Variants in ITGB8 observed in about 807,000 individuals in gnomAD.
ITGB8 encodes integrin subunit beta 8, also known as integrin beta-8.
A neutral mutation model predicts 89.5 loss-of-function variants in ITGB8; 30 were observed. The ratio of observed to expected loss-of-function variants is 0.34; its 90% CI spans 0.25 to 0.45. The LOEUF (loss-of-function observed/expected upper bound fraction) is 0.45. ITGB8 is among the 20% of genes least tolerant of loss of function. ITGB8 has a pLI of 1.00. For missense variants in ITGB8, 836 were observed against 933.3 expected, an observed-to-expected ratio of 0.90 and a Z score of 1.36; for synonymous variants, 335 against 320.4, an observed-to-expected ratio of 1.05 and a Z score of -0.49.
intron 3 of ITGB8, among the ~76,000 whole-genome samples, chr7:20,367,780 C>G (rs966574062): frequency 6.6e-6 from 1 of 152,126 alleles, no homozygotes; most frequent in African/African-American, 2.4e-5. Flanking sequence ...CACCTTTTCT[C>G]CTATACCTCT....
At chr7:20,345,014 A>G (rs905521693) in intron 1 of ITGB8, among the ~76,000 whole-genome samples, 3 of 152,324 alleles carry the variant, frequency 2.0e-5, no homozygotes, top group Non-Finnish European at 2.9e-5. Context: ...ACCAGACAGC[A>G]CTAAGTATCT....
intron 1 of ITGB8, among the ~76,000 whole-genome samples, chr7:20,333,434 A>G (rs765481950): frequency 3.3e-5 from 5 of 152,224 alleles, no homozygotes; most frequent in Non-Finnish European, 7.4e-5. Flanking sequence ...AATAAGTAAT[A>G]AAGTGCTTTT....
At chr7:20,397,134 T>G (rs914741459) in intron 8 of ITGB8, among the ~76,000 whole-genome samples, 1 of 152,188 alleles carries the variant, frequency 6.6e-6, no homozygotes, top group Non-Finnish European at 1.5e-5. Context: ...GTTGGATTTC[T>G]GAATCCCCAA....
intron 8 of ITGB8, among the ~76,000 whole-genome samples, chr7:20,397,240 T>G (rs1787121146): frequency 6.6e-6 from 1 of 152,000 alleles, no homozygotes; most frequent in Admixed American, 6.6e-5. Context: ...TTTTTTTTTT[T>G]TTTAGATGGA....
At chr7:20,349,893 G>A (rs12700182) in intron 1 of ITGB8, among the ~76,000 whole-genome samples, 1 of 151,900 alleles carries the variant, frequency 6.6e-6, no homozygotes, top group African/African-American at 2.4e-5. Context: ...TCAATAAACT[G>A]TATTTATTTA....
Position 20,363,673 on chromosome 7 carries a change from G to A in ITGB8, c.164G>A (p.Cys55Tyr), listed in dbSNP as rs1785586533. Residue 55 changes from cysteine to tyrosine, a missense_variant, in exon 2 of 14, where the codon TGT (cysteine) becomes TAT (tyrosine). Around this residue, in one of 5 missense-constraint regions of ITGB8, gnomAD observed 182 missense variants for 177.0 expected, o/e 1.03. Transcript: ENST00000222573. The part of the protein sequence containing the change: ...NRCASSNAAS[C>Y]ARCLALGPEC... Reference sequence around the variant, plus strand: ...TGTGCATCTTCAAATGCAGCATCCTGTGCCAGGTGCCTTGCGCTGGGTCCA... The same window carrying A: ...TGTGCATCTTCAAATGCAGCATCCTATGCCAGGTGCCTTGCGCTGGGTCCA... 1.2e-6 allele frequency: 2 copies of A among 1,605,012 alleles called. No homozygotes were observed. The highest frequency in any genetic ancestry group is 2.2e-5 in the East Asian group (1 of 44,664).
intron 3 of ITGB8, among the ~76,000 whole-genome samples, chr7:20,373,814 T>C (rs1786027915): frequency 6.6e-6 from 1 of 152,228 alleles, no homozygotes; most frequent in Non-Finnish European, 1.5e-5. Flanking sequence ...TAAAATTTCA[T>C]CTTAAGCAGA....
chr7:20,356,889 G>T (rs1785312810), intron 1 of ITGB8, among the ~76,000 whole-genome samples: 1 of 125,358 alleles, frequency 8.0e-6, no homozygotes, highest in Non-Finnish European at 1.7e-5. Flanking sequence ...TAGTTTTGGG[G>T]AGTTTGCTGG....
At chr7:20,398,641 A>C (rs1268279543) in intron 8 of ITGB8, among the ~76,000 whole-genome samples, 1 of 152,210 alleles carries the variant, frequency 6.6e-6, no homozygotes, top group African/African-American at 2.4e-5. Context: ...AAAATAGAAC[A>C]ATTTGAATGC....
At chr7:20,376,043 G>A (rs1023352679) in intron 3 of ITGB8, among the ~76,000 whole-genome samples, 1 of 152,132 alleles carries the variant, frequency 6.6e-6, no homozygotes, top group African/African-American at 2.4e-5. Context: ...GAAAAGTGAG[G>A]AGCAATCATT....
rs533521724 is a variant in ITGB8, at chr7:20,403,807, G to A, written c.1688-821G>A. On this transcript the variant is annotated intron_variant, in intron 10 of 13. Transcript: ENST00000222573. The stretch of plus-strand genomic sequence containing the variant: ...GGAAGGGAGAGGGAGAAAAGAGGAA[G>A]GTTGGTTTGTGGCTAGATAAGCTTC... Among the ~76,000 whole-genome samples the A allele has an allele frequency of 2.6e-5, 4 of 152,034 alleles. 1 individual carries two copies. The South Asian group carries it at 8.3e-4, about 32-fold the overall frequency.
Position 20,406,482 on chromosome 7 carries a change from G to A in ITGB8, c.2023+311G>A, listed in dbSNP as rs376483828. ...GGAGAATCCCTTGAATCCGGGAGGC[G>A]GAGGTTGCAATGAGCTGAGATCATG... On this transcript the variant is annotated intron_variant, in intron 12 of 13. Transcript: ENST00000222573. 3.8e-3 allele frequency among the ~76,000 whole-genome samples: 577 copies of A among 151,932 alleles called. 3 individuals carry two copies. The highest frequency in any genetic ancestry group is 0.013 in the African/African-American group (541 of 41,418).
Position 20,413,496 on chromosome 7 carries a change from T to G in ITGB8, c.*3499T>G, listed in dbSNP as rs988007829. The G allele has an allele frequency of 6.6e-6, 1 of 152,508 alleles. No individual in the cohort carries two copies. Among genetic ancestry groups the G allele is most frequent in the Non-Finnish European group, 1.5e-5 (1 of 67,952 alleles). 9.4% of individuals were successfully genotyped at this position (152,508 alleles called of 1,614,324 possible). ...ATATTCTTCCTGGAACCTGGTAGAGTAGATTAGACTCAAAGGCTTTTTCTT... is the reference window on the plus strand; with the variant it reads ...ATATTCTTCCTGGAACCTGGTAGAGGAGATTAGACTCAAAGGCTTTTTCTT... On this transcript the variant is annotated 3_prime_UTR_variant, in exon 14 of 14. Coordinates refer to ENST00000222573, the MANE Select transcript of ITGB8 (RefSeq NM_002214.3).
intron 5 of ITGB8, 197 bp from the exon 6 acceptor site, chr7:20,381,530 T>G (rs1391054419): frequency 2.1e-6 from 1 of 484,700 alleles, no homozygotes; most frequent in Non-Finnish European, 3.6e-6. Context: ...CAGGAACTAG[T>G]GTGGTCACAT....
upstream of ITGB8, among the ~76,000 whole-genome samples, chr7:20,330,014 C>T (rs1322030702): frequency 6.6e-6 from 1 of 152,170 alleles, no homozygotes; most frequent in African/African-American, 2.4e-5. Context: ...CCCCTCTCCC[C>T]GCTTTGCTGC....
intron 1 of ITGB8, among the ~76,000 whole-genome samples, chr7:20,339,660 T>C (rs187233618): frequency 6.6e-6 from 1 of 152,364 alleles, no homozygotes; most frequent in African/African-American, 2.4e-5. Context: ...GTTAAAGTGT[T>C]CTTATCAGAT....
At chr7:20,353,197 A>T (rs186622439) in intron 1 of ITGB8, 22 of 152,352 alleles carry the variant, frequency 1.4e-4, no homozygotes, top group African/African-American at 5.3e-4. Flanking sequence ...AACCTGCCCA[A>T]GGTTGAACAT....
intron 3 of ITGB8, among the ~76,000 whole-genome samples, chr7:20,375,939 A>C (rs1030828797): frequency 1.3e-4 from 20 of 152,232 alleles, no homozygotes; most frequent in African/African-American, 4.6e-4. Flanking sequence ...TTCTTTAGGT[A>C]AAATGGCTTT....
intron 1 of ITGB8, among the ~76,000 whole-genome samples, chr7:20,345,058 G>T (rs925715551): frequency 1.3e-5 from 2 of 152,096 alleles, no homozygotes; most frequent in Admixed American, 1.3e-4. Flanking sequence ...AACCCAGATG[G>T]GTAGTCAAGA....
Sources: gnomAD v4.1 joint callset for allele counts (sites outside exome capture counted in the v4.1 genomes callset) on GRCh38, gnomAD v4.1.1 for gene constraint, gnomAD v4.1.1 regional missense constraint, MANE v1.5 for transcripts, NCBI Gene and HGNC (gene_info 2026-07-23, HGNC 2026-07-21) for gene names.